Variants in LRP2 observed in about 807,000 individuals in gnomAD.
LRP2 encodes low-density lipoprotein receptor-related protein 2.
LRP2 carries 172 observed loss-of-function variants against 531.0 expected under a neutral mutation model. The observed-to-expected ratio is 0.32, with a 90% CI of 0.29 to 0.37. The LOEUF is 0.37. Ranked by LOEUF, LRP2 falls within the 10% of genes least tolerant of loss-of-function variation. LRP2 has a pLI of 1.00. For synonymous variants in LRP2, 1,992 were observed against 2,027.6 expected, an observed-to-expected ratio of 0.98 and a Z score of 0.47; for missense variants, 5,167 against 5,868.3, an observed-to-expected ratio of 0.88 and a Z score of 3.90.
Position 169,176,436 on chromosome 2 carries a change from G to C in LRP2, c.10546C>G (p.Gln3516Glu), listed in dbSNP as rs763375364. ...TTTTCATTGTTAGCGCACAGGAACT[G>C]GGTGCTGGAGCACATGGGCATGCAG... ...TYCMPMCSST[Q>E]FLCANNEKCI... Residue 3516 changes from glutamine to glutamate, a missense_variant, in exon 54 of 79, where the codon CAG becomes GAG. Around this residue, in one of 6 missense-constraint regions of LRP2, gnomAD observed 311 missense variants for 309.4 expected, o/e 1.01. Transcript: ENST00000649046. The C allele has an allele frequency of 6.2e-7, 1 of 1,614,040 alleles. No homozygotes were observed. The highest frequency in any genetic ancestry group is 8.5e-7 in the Non-Finnish European group (1 of 1,180,048).
chr2:169,203,774 A>G (rs1688282826), intron 42 of LRP2, among the ~76,000 whole-genome samples: 1 of 152,138 alleles, frequency 6.6e-6, no homozygotes. Context: ...AAATAAAAGA[A>G]AATGCTTTCA....
At position 169,150,969 on chromosome 2, in the gene LRP2, T is replaced by C. The variant is rs753081334; in HGVS notation, c.12519A>G (p.Gly4173=). The change falls in exon 68 of 79, where the codon GGA becomes GGG. Residue 4173 remains glycine (G), a synonymous_variant. Transcript: ENST00000649046. The part of the protein sequence containing the change: ...NKRIEVAKLD[G]RYRKWLISTD... ...TGGAAATCAGCCACTTTCTGTACCTTCCATCAAGTTTAGCCACCTCAATGC... is the reference window on the plus strand; with the variant it reads ...TGGAAATCAGCCACTTTCTGTACCTCCCATCAAGTTTAGCCACCTCAATGC... 1 of 1,613,996 alleles carries C rather than the reference T, an allele frequency of 6.2e-7. No homozygotes were observed. The highest frequency in any genetic ancestry group is 2.2e-5 in the East Asian group (1 of 44,898).
chr2:169,238,960 G>A (rs1373372841), intron 26 of LRP2, among the ~76,000 whole-genome samples: 1 of 152,112 alleles, frequency 6.6e-6, no homozygotes, highest in Non-Finnish European at 1.5e-5. Flanking sequence ...TACTTTCTAA[G>A]AGAAGCTAAA....
rs760938540 is a variant in LRP2 at position 169,168,502 on chromosome 2, A to G, written c.11635+37T>C. The G allele has an allele frequency of 3.1e-5, 50 of 1,613,302 alleles. 1 individual carries two copies. In the South Asian group the frequency reaches 5.4e-4, roughly 17 times the overall value. On this transcript the variant is annotated intron_variant, in intron 61 of 78. Coordinates refer to ENST00000649046, the MANE Select transcript of LRP2 (RefSeq NM_004525.3). ...AAGAAACAATGAGATTTGACAGACAACACCACTCCCATTCACTCCGTTTCT... is the reference window on the plus strand; with the variant it reads ...AAGAAACAATGAGATTTGACAGACAGCACCACTCCCATTCACTCCGTTTCT...
At chr2:169,259,301 G>T in intron 16 of LRP2, 84 bp from the exon 17 acceptor site, 1 of 772,922 alleles carries the variant, frequency 1.3e-6, no homozygotes, top group Non-Finnish European at 2.1e-6. Flanking sequence ...CTGAAATTTT[G>T]TGTCAGAGTT....
rs888732022 is a variant in LRP2, at chr2:169,156,185, G to T, written c.12151+89C>A. ...AAAAAAGAAAGAAAAGAAAAACTAT[G>T]AGAAGCTGAAGTTTCTTTCATCGTA... On this transcript the variant is annotated intron_variant, in intron 65 of 78. Coordinates refer to ENST00000649046, the MANE Select transcript of LRP2 (RefSeq NM_004525.3). 5.8e-6 allele frequency: 9 copies of T among 1,546,938 alleles called. No individual in the cohort carries two copies. The Admixed American group carries it at 8.9e-5, about 15-fold the overall frequency.
At chr2:169,150,638 C>G (rs1258678484) in intron 68 of LRP2, among the ~76,000 whole-genome samples, 3 of 152,122 alleles carry the variant, frequency 2.0e-5, no homozygotes, top group Non-Finnish European at 4.4e-5. Context: ...CTTTAGAGTT[C>G]AGAGCTCTGA....
At chr2:169,246,519 C>A (rs1690011076) in intron 21 of LRP2, among the ~76,000 whole-genome samples, 186 bp downstream of exon 21, 1 of 152,170 alleles carries the variant, frequency 6.6e-6, no homozygotes, top group Admixed American at 6.5e-5. Context: ...GGCCAGAAAC[C>A]ATCCATAACA....
chr2:169,147,200 T>G (rs538385056), intron 68 of LRP2, among the ~76,000 whole-genome samples: 1 of 152,340 alleles, frequency 6.6e-6, no homozygotes, highest in African/African-American at 2.4e-5. Context: ...GGATGGATAT[T>G]CAGACCCTTT....
At chr2:169,275,949 C>G (rs1479092796) in intron 13 of LRP2, among the ~76,000 whole-genome samples, 1 of 151,954 alleles carries the variant, frequency 6.6e-6, no homozygotes, top group Non-Finnish European at 1.5e-5. Context: ...TTCAGTTAGA[C>G]TCATGAACAG....
In LRP2 at chr2:169,175,020, A is replaced by T. The variant is rs1442388341; in HGVS notation, c.10768+173T>A. Among the ~76,000 whole-genome samples the T allele has an allele frequency of 5.8e-5, 4 of 68,472 alleles. 1 individual carries two copies. The highest frequency in any genetic ancestry group is 2.3e-4 in the Admixed American group (2 of 8,652). 44.9% of individuals were successfully genotyped at this position (68,472 alleles called of 152,430 possible). A position where few individuals can be genotyped will look rare whatever the true frequency, so the allele number is the denominator to read the frequency against. On this transcript the variant is annotated intron_variant, in intron 55 of 78. Coordinates refer to ENST00000649046, the MANE Select transcript of LRP2 (RefSeq NM_004525.3). ...GCCTTGTAAAAACCTTAAGATTTCT[A>T]AAAAAAAAAAAAAAAAAACTTCATA...
chr2:169,324,630 GAAAA>G (rs11324299), intron 1 of LRP2, among the ~76,000 whole-genome samples: 5,467 of 141,592 alleles, frequency 0.039, 157 homozygotes, highest in East Asian at 0.1. Flanking sequence ...AAAGCTAGGG[GAAAA>G]AAAAAAAAAA....
At chr2:169,351,265 A>G (rs538698869) in intron 1 of LRP2, among the ~76,000 whole-genome samples, 128 of 152,328 alleles carry the variant, frequency 8.4e-4, no homozygotes, top group African/African-American at 2.9e-3. Context: ...CTAAAGCAAA[A>G]TGGCATGGAT....
intron 75 of LRP2, 50 bp from the exon 76 acceptor site, chr2:169,137,543 G>T: frequency 8.7e-7 from 1 of 1,147,712 alleles, no homozygotes; most frequent in Non-Finnish European, 1.3e-6. Flanking sequence ...GAAACAGAGA[G>T]AGAGATTACA....
At chr2:169,315,657 G>A (rs370468087) in intron 3 of LRP2, among the ~76,000 whole-genome samples, 11 of 152,258 alleles carry the variant, frequency 7.2e-5, no homozygotes, top group African/African-American at 1.4e-4. Context: ...ACTGTAAACC[G>A]TGTTAGGGAA....
chr2:169,207,507 ATC>A (rs1437642739), intron 38 of LRP2, among the ~76,000 whole-genome samples: 1 of 152,220 alleles, frequency 6.6e-6, no homozygotes, highest in Non-Finnish European at 1.5e-5. Context: ...TCATAGCAAC[ATC>A]ATAACCCACT....
At chr2:169,286,089 T>C (rs1382382284) in intron 9 of LRP2, among the ~76,000 whole-genome samples, 1 of 152,222 alleles carries the variant, frequency 6.6e-6, no homozygotes, top group Non-Finnish European at 1.5e-5. Context: ...CCTAACGTCA[T>C]GTATTTAAAG....
chr2:169,206,060 G>C lies in LRP2; in HGVS notation c.7519C>G (p.Pro2507Ala), dbSNP rs747744467. The C allele has an allele frequency of 6.2e-7, 1 of 1,614,160 alleles. No individual in the cohort carries two copies. Residue 2507 changes from proline to alanine, a missense_variant, in exon 40 of 79, where the codon CCA (proline) becomes GCA (alanine). Coordinates refer to ENST00000649046, the MANE Select transcript of LRP2 (RefSeq NM_004525.3). Reference protein sequence around the residue: ...GSNRTVIARVPKPRAIVLDPC... With the variant: ...GSNRTVIARVAKPRAIVLDPC... ...TCTAACACAATTGCTCTTGGTTTTG[G>C]AACGCGGGCTATCACAGTGCGGTTA...
intron 4 of LRP2, among the ~76,000 whole-genome samples, chr2:169,295,482 A>T (rs1684111846): frequency 2.0e-5 from 3 of 152,222 alleles, no homozygotes; most frequent in African/African-American, 4.8e-5. Flanking sequence ...CCCTTACAGG[A>T]ATAACGTGCT....
Sources: gnomAD v4.1 joint callset for allele counts (sites outside exome capture counted in the v4.1 genomes callset) on GRCh38, gnomAD v4.1.1 for gene constraint, gnomAD v4.1.1 regional missense constraint, MANE v1.5 for transcripts, NCBI Gene and HGNC (gene_info 2026-07-23, HGNC 2026-07-21) for gene names.